FIGN: variants seen among roughly 807,000 people sequenced by gnomAD.
FIGN encodes fidgetin.
In FIGN, 11 loss-of-function variants were observed where a neutral mutation model predicts 51.3. The observed-to-expected ratio is 0.21, with a 90% CI of 0.13 to 0.35. FIGN has a LOEUF of 0.35. Among genes scored for constraint, FIGN ranks in the 10% least tolerant of loss-of-function variants. The pLI is 1.00. For synonymous variants in FIGN, 407 were observed against 363.2 expected, an observed-to-expected ratio of 1.12 and a Z score of -1.37; for missense variants, 857 against 943.6, an observed-to-expected ratio of 0.91 and a Z score of 1.20.
intron 2 of FIGN, among the ~76,000 whole-genome samples, chr2:163,642,693 G>A (rs1239184311): frequency 6.6e-6 from 1 of 152,138 alleles, no homozygotes; most frequent in Non-Finnish European, 1.5e-5. Flanking sequence ...TGTATCACCA[G>A]CAGCTAAGAC....
chr2:163,675,330 G>A (rs1683939374), intron 2 of FIGN, among the ~76,000 whole-genome samples: 1 of 152,216 alleles, frequency 6.6e-6, no homozygotes, highest in Non-Finnish European at 1.5e-5. Context: ...TGGAATACGT[G>A]ACATCACACA....
intron 2 of FIGN, among the ~76,000 whole-genome samples, chr2:163,727,307 T>C (rs963799182): frequency 1.3e-5 from 2 of 151,792 alleles, no homozygotes; most frequent in Admixed American, 6.6e-5. Flanking sequence ...AATATGGAGA[T>C]AGAACACAGA....
rs1158978785 is a variant in FIGN at position 163,610,015 on chromosome 2, C to T, written c.1817G>A (p.Arg606Lys). The change falls in exon 3 of 3, where the codon AGA (arginine) becomes AAA (lysine). Residue 606 changes from arginine (R) to lysine (K), a missense_variant. Physicochemically the swap from Arg to Lys is conservative, Grantham distance 26. Coordinates refer to ENST00000333129, the MANE Select transcript of FIGN (RefSeq NM_018086.4). ...NEEHSPVSRM[R>K]TEFLMQLDTV... ...GTCCAGTTGCATCAGAAATTCGGTT[C>T]TCATCCGACTGACTGGACTATGTTC... 2 of 1,614,118 alleles carry T rather than the reference C, an allele frequency of 1.2e-6. No individual in the cohort carries two copies. The highest frequency in any genetic ancestry group is 2.2e-5 in the East Asian group (1 of 44,870).
intron 2 of FIGN, among the ~76,000 whole-genome samples, chr2:163,717,746 C>A (rs1226981358): frequency 6.6e-6 from 1 of 152,148 alleles, no homozygotes; most frequent in Non-Finnish European, 1.5e-5. Context: ...CCTTTCCTCT[C>A]AGGCTTTCAA....
chr2:163,658,601 CAAGA>C (rs1381730785), intron 2 of FIGN, among the ~76,000 whole-genome samples: 1 of 152,004 alleles, frequency 6.6e-6, no homozygotes, highest in Admixed American at 6.6e-5. Context: ...TCTGACATGG[CAAGA>C]AAGAGAGGGA....
In FIGN at chr2:163,725,725, A is replaced by T. The variant is rs150946014; in HGVS notation, c.25+9178T>A. ...AACAAAATAAAACAAGACAAAAATT[A>T]AAAAAGTAAACAAAAAAGGCATTAT... On this transcript the variant is annotated intron_variant, in intron 2 of 2. Coordinates refer to ENST00000333129, the MANE Select transcript of FIGN (RefSeq NM_018086.4). Among the ~76,000 whole-genome samples the T allele has an allele frequency of 9.2e-3, 1,404 of 152,234 alleles. 22 individuals carry two copies. The highest frequency in any genetic ancestry group is 0.031 in the African/African-American group (1,292 of 41,568).
chr2:163,687,777 A>G (rs1209861860), intron 2 of FIGN, among the ~76,000 whole-genome samples: 5 of 152,338 alleles, frequency 3.3e-5, no homozygotes, highest in South Asian at 4.1e-4. Context: ...TGTTTTTAGT[A>G]AAATTCCTGT....
At chr2:163,729,456 T>C (rs1684891954) in intron 2 of FIGN, among the ~76,000 whole-genome samples, 1 of 152,066 alleles carries the variant, frequency 6.6e-6, no homozygotes, top group Non-Finnish European at 1.5e-5. Flanking sequence ...TTCTATAGTA[T>C]AAAAAACTTT....
intron 2 of FIGN, among the ~76,000 whole-genome samples, chr2:163,671,044 C>T (rs370030070): frequency 5.3e-5 from 8 of 152,144 alleles, no homozygotes; most frequent in South Asian, 2.1e-4. Flanking sequence ...CTATATAACA[C>T]GGTGATTCCC....
intron 2 of FIGN, among the ~76,000 whole-genome samples, chr2:163,669,357 G>T (rs936779514): frequency 1.3e-5 from 2 of 152,068 alleles, no homozygotes; most frequent in East Asian, 3.9e-4. Flanking sequence ...GACTACAGGC[G>T]CATGCCACCA....
chr2:163,701,912 T>C (rs1252561781), intron 2 of FIGN, among the ~76,000 whole-genome samples: 4 of 152,130 alleles, frequency 2.6e-5, no homozygotes, highest in African/African-American at 9.7e-5. Context: ...TCAATATAAG[T>C]AGAAAAACTG....
chr2:163,679,276 G>A (rs1196417469), intron 2 of FIGN, among the ~76,000 whole-genome samples: 1 of 151,988 alleles, frequency 6.6e-6, no homozygotes, highest in African/African-American at 2.4e-5. Flanking sequence ...GGCAGATCAC[G>A]AGGTCAGGAG....
At chr2:163,625,636 A>G (rs1484392006) in intron 2 of FIGN, among the ~76,000 whole-genome samples, 3 of 152,056 alleles carry the variant, frequency 2.0e-5, no homozygotes, top group African/African-American at 7.2e-5. Flanking sequence ...AAATAAATAT[A>G]TTATCTATAA....
intron 2 of FIGN, among the ~76,000 whole-genome samples, chr2:163,672,284 T>C (rs892146336): frequency 3.3e-5 from 5 of 152,174 alleles, no homozygotes; most frequent in African/African-American, 1.2e-4. Context: ...GTTGATTTTG[T>C]TAAAAGAAGA....
At chr2:163,637,209 A>T (rs770710998) in intron 2 of FIGN, among the ~76,000 whole-genome samples, 2 of 152,238 alleles carry the variant, frequency 1.3e-5, no homozygotes, top group Admixed American at 6.5e-5. Flanking sequence ...ATGCAACAGT[A>T]GCAATCTAAT....
chr2:163,631,913 C>T (rs772625322), intron 2 of FIGN, among the ~76,000 whole-genome samples: 17 of 152,080 alleles, frequency 1.1e-4, no homozygotes, highest in Admixed American at 5.2e-4. Flanking sequence ...TTTGGGAGGC[C>T]GAGGTGGGTG....
chr2:163,633,759 G>A (rs1683184806), intron 2 of FIGN, among the ~76,000 whole-genome samples: 1 of 152,064 alleles, frequency 6.6e-6, no homozygotes, highest in Non-Finnish European at 1.5e-5. Context: ...TCTTGTTTAT[G>A]ACTCCTAAGT....
intron 2 of FIGN, among the ~76,000 whole-genome samples, chr2:163,695,510 A>G (rs2105347538): frequency 6.6e-6 from 1 of 152,242 alleles, no homozygotes; most frequent in Middle Eastern, 3.4e-3. Context: ...TTCTTCAGTC[A>G]ACATGCAAAA....
intron 2 of FIGN, among the ~76,000 whole-genome samples, chr2:163,721,129 AT>A (rs1684750552): frequency 6.6e-6 from 1 of 152,124 alleles, no homozygotes; most frequent in Non-Finnish European, 1.5e-5. Flanking sequence ...GGATCACCCA[AT>A]TTTCTTCTAC....
Sources: allele counts gnomAD v4.1 joint callset (sites outside exome capture counted in the v4.1 genomes callset), GRCh38; gene constraint gnomAD v4.1.1; transcripts MANE v1.5; gene names NCBI Gene and HGNC (gene_info 2026-07-23, HGNC 2026-07-21).